TTLL7: variants seen among roughly 807,000 people sequenced by gnomAD.
The protein encoded by TTLL7 is tubulin tyrosine ligase like 7, also known as tubulin polyglutamylase TTLL7.
TTLL7 carries 53 observed loss-of-function variants against 120.2 expected under a neutral mutation model. The observed-to-expected ratio is 0.44, with a 90% CI of 0.35 to 0.55. TTLL7 has a LOEUF of 0.55. Among genes scored for constraint, TTLL7 ranks in the 20% least tolerant of loss-of-function variants. The pLI, the probability that TTLL7 is intolerant of heterozygous loss-of-function variation, is 0.00. For synonymous variants in TTLL7, 353 were observed against 351.7 expected (o/e 1.00, Z -0.04); for missense variants, 803 against 1,054.7 (o/e 0.76, Z 3.31).
chr1:83,988,656 A>G (rs1041814537), intron 1 of TTLL7, among the ~76,000 whole-genome samples: 2 of 151,034 alleles, frequency 1.3e-5, no homozygotes, highest in East Asian at 1.9e-4. Flanking sequence ...GCACTTTGTC[A>G]TATTTGTTAG....
chr1:83,892,729 C>CACATATATATGAGCGCATATGTGA (rs1655783571), intron 18 of TTLL7, among the ~76,000 whole-genome samples: 5 of 32,950 alleles, frequency 1.5e-4, no homozygotes, highest in East Asian at 1.5e-3. Flanking sequence ...TATATGTGAA[C>CACATATATATGAGCGCATATGTGA]ACATATATAT....
intron 16 of TTLL7, among the ~76,000 whole-genome samples, chr1:83,907,251 T>C (rs959433918): frequency 3.9e-5 from 6 of 152,114 alleles, no homozygotes; most frequent in Non-Finnish European, 2.9e-5. Context: ...TGCTCATCTT[T>C]GAGTTCTGTG....
chr1:83,892,369 C>CGAATATATATGAATATATATAT lies in TTLL7; in HGVS notation c.2209-1889_2209-1888insATATATATATTCATATATATTC, dbSNP rs1655613131. On this transcript the variant is annotated intron_variant, in intron 18 of 20. Coordinates refer to ENST00000260505, the MANE Select transcript of TTLL7 (RefSeq NM_024686.6). Reference sequence around the variant, plus strand: ...ATACGAATATATATGAATATATATACGAATATATATGAATATATATACGAA... The same window carrying CGAATATATATGAATATATATAT: ...ATACGAATATATATGAATATATATACGAATATATATGAATATATATATGAATATATATGAATATATATACGAA... Among the ~76,000 whole-genome samples, 3 of 103,226 alleles carry CGAATATATATGAATATATATAT rather than the reference C, an allele frequency of 2.9e-5. 1 individual carries two copies. The highest frequency in any genetic ancestry group is 1.2e-4 in the African/African-American group (3 of 24,900). 67.7% of individuals were successfully genotyped at this position (103,226 alleles called of 152,430 possible). A position where few individuals can be genotyped will look rare whatever the true frequency, so the allele number is the denominator to read the frequency against.
intron 19 of TTLL7, among the ~76,000 whole-genome samples, chr1:83,888,555 G>A (rs181817009): frequency 2.6e-5 from 4 of 152,150 alleles, no homozygotes; most frequent in African/African-American, 9.6e-5. Flanking sequence ...AGGTTTTACA[G>A]AAGAGGTAGG....
In TTLL7 at chr1:83,989,676, T is replaced by TTTTTG. The variant is rs199814436; in HGVS notation, c.-177+9250_-177+9254dup. On this transcript the variant is annotated intron_variant, in intron 1 of 20. Coordinates refer to ENST00000260505, the MANE Select transcript of TTLL7 (RefSeq NM_024686.6). ...TGGTTCCCTATGAATTTTCAAATAG[T>TTTTTG]TTTTGTTTTGTTTTGTTTTTTTAGT... 5.3e-5 allele frequency among the ~76,000 whole-genome samples: 8 copies of TTTTTG among 152,306 alleles called. No individual in the cohort carries two copies. In the East Asian group the frequency reaches 1.3e-3, roughly 26 times the overall value.
chr1:83,887,038 G>C (rs1655029939), intron 19 of TTLL7: 1 of 166,902 alleles, frequency 6.0e-6, no homozygotes, highest in South Asian at 1.4e-4. Context: ...TCAGCAGACT[G>C]GTAGAGGAAA....
At chr1:83,995,367 T>C (rs1313391196) in intron 1 of TTLL7, among the ~76,000 whole-genome samples, 1 of 151,798 alleles carries the variant, frequency 6.6e-6, no homozygotes, top group Non-Finnish European at 1.5e-5. Flanking sequence ...CCATCATGAA[T>C]GGCTTAATGC....
rs1014955189 is a variant in TTLL7 at position 83,890,543 on chromosome 1, A to T, written c.2209-62T>A. ...GTATATCTGTGTCTAAAATTCAAAG[A>T]TGTAGCTTGAGCTCAGGAGTTCCAG... On this transcript the variant is annotated intron_variant, in intron 18 of 20. Transcript: ENST00000260505. 1.6e-5 allele frequency: 23 copies of T among 1,404,528 alleles called. No individual in the cohort carries two copies. The African/African-American group carries it at 1.9e-4, about 12-fold the overall frequency. 87.0% of individuals were successfully genotyped at this position (1,404,528 alleles called of 1,614,324 possible).
intron 14 of TTLL7, among the ~76,000 whole-genome samples, chr1:83,914,417 T>C (rs1374947732): frequency 2.1e-5 from 3 of 141,838 alleles, no homozygotes; most frequent in South Asian, 2.3e-4. Flanking sequence ...TTGCAACCTC[T>C]GCCTCCCACG....
intron 20 of TTLL7, among the ~76,000 whole-genome samples, chr1:83,872,195 T>TA: frequency 6.6e-6 from 1 of 152,180 alleles, no homozygotes; most frequent in Non-Finnish European, 1.5e-5. Context: ...CTAAACCTAT[T>TA]ACCTAATATC....
chr1:83,933,749 G>C lies in TTLL7; in HGVS notation c.906C>G (p.Thr302=), dbSNP rs1659792245. 1 of 1,608,988 alleles carries C rather than the reference G, an allele frequency of 6.2e-7. No homozygotes were observed. Among genetic ancestry groups the C allele is most frequent in the African/African-American group, 1.3e-5 (1 of 74,572 alleles). ...GGACATGAGGTTCTGCTACAATCAG[G>C]GTCTTTACCACCAATTCCTATAAGA... The part of the protein sequence containing the change: ...WSDISELVVK[T]LIVAEPHVLH... Residue 302 remains threonine, a synonymous_variant, in exon 9 of 21, where the codon ACC becomes ACG. Transcript: ENST00000260505.
At chr1:83,949,665 A>G (rs1648855929) in intron 4 of TTLL7, 200 bp downstream of exon 4, 1 of 540,064 alleles carries the variant, frequency 1.9e-6, no homozygotes. Context: ...TAAAGATAGA[A>G]AGAGGTTAAA....
intron 18 of TTLL7, among the ~76,000 whole-genome samples, chr1:83,903,670 T>C (rs575536902): frequency 4.6e-4 from 70 of 152,096 alleles, no homozygotes; most frequent in Non-Finnish European, 9.7e-4. Context: ...CACTGTTGTA[T>C]TGTTTAGGGA....
chr1:83,967,231 A>T (rs1384133943), intron 1 of TTLL7, among the ~76,000 whole-genome samples: 1 of 152,098 alleles, frequency 6.6e-6, no homozygotes, highest in East Asian at 1.9e-4. Flanking sequence ...GTGATTTTTA[A>T]AAAAGAAGTT....
At chr1:83,912,089 C>T (rs1015088530) in intron 14 of TTLL7, among the ~76,000 whole-genome samples, 9 of 152,112 alleles carry the variant, frequency 5.9e-5, no homozygotes, top group Non-Finnish European at 1.0e-4. Flanking sequence ...AACTCTGGCA[C>T]GTAGCTTCTG....
intron 20 of TTLL7, chr1:83,882,637 C>T (rs560718299): frequency 1.0e-5 from 2 of 199,386 alleles, no homozygotes; most frequent in African/African-American, 4.7e-5. Flanking sequence ...GTTGAAATAT[C>T]TCTATTGGAG....
chr1:83,899,078 A>G (rs1656489227), intron 18 of TTLL7, among the ~76,000 whole-genome samples: 1 of 151,884 alleles, frequency 6.6e-6, no homozygotes, highest in Non-Finnish European at 1.5e-5. Context: ...ATAAAAATGG[A>G]AAGTTTTATA....
At chr1:83,914,707 A>C (rs918519735) in intron 14 of TTLL7, among the ~76,000 whole-genome samples, 3 of 152,136 alleles carry the variant, frequency 2.0e-5, no homozygotes, top group African/African-American at 7.2e-5. Context: ...TTCTGAAGCC[A>C]TCCACATGCT....
intron 1 of TTLL7, among the ~76,000 whole-genome samples, chr1:83,997,769 A>AC (rs1653617171): frequency 6.6e-6 from 1 of 152,204 alleles, no homozygotes; most frequent in Admixed American, 6.5e-5. Flanking sequence ...AACATTTAAG[A>AC]CAGAAAAAGA....
Sources: allele counts gnomAD v4.1 joint callset (sites outside exome capture counted in the v4.1 genomes callset), GRCh38; gene constraint gnomAD v4.1.1; transcripts MANE v1.5; gene names NCBI Gene and HGNC (gene_info 2026-07-23, HGNC 2026-07-21).